Variants in GNRH1 observed in about 807,000 individuals in gnomAD.
The protein encoded by GNRH1 is progonadoliberin-1.
A neutral mutation model predicts 13.6 loss-of-function variants in GNRH1; 9 were observed. That is an observed-to-expected ratio of 0.66 (90% CI 0.40 to 1.15). The LOEUF (loss-of-function observed/expected upper bound fraction) is 1.15, where lower values mean the gene tolerates loss of function less well. Among genes scored for constraint, GNRH1 ranks in the 50% most tolerant of loss-of-function variants. The pLI is 0.01. For missense variants in GNRH1, 116 were observed against 110.8 expected (o/e 1.05, Z -0.21); for synonymous variants, 44 against 40.1 (o/e 1.10, Z -0.37).
At chr8:25,419,952 T>TA (rs1801749669) in intron 3 of GNRH1, among the ~76,000 whole-genome samples, 1 of 152,028 alleles carries the variant, frequency 6.6e-6, no homozygotes, top group South Asian at 2.1e-4. Context: ...TTAATATACA[T>TA]AAAATCTACA....
intron 3 of GNRH1, among the ~76,000 whole-genome samples, chr8:25,420,974 G>A (rs577349939): frequency 1.2e-4 from 19 of 152,194 alleles, no homozygotes; most frequent in African/African-American, 4.6e-4. Context: ...TATGATTAGT[G>A]TATTTCCATT....
chr8:25,423,120 T>C, intron 2 of GNRH1, 70 bp downstream of exon 2: 1 of 1,114,536 alleles, frequency 9.0e-7, no homozygotes, highest in Non-Finnish European at 1.4e-6. Flanking sequence ...ATTGGGGCTA[T>C]CCTGAATGTT....
intron 3 of GNRH1, among the ~76,000 whole-genome samples, 165 bp from the exon 4 acceptor site, chr8:25,419,625 GT>G (rs371851426): frequency 2.3e-3 from 331 of 142,072 alleles, no homozygotes; most frequent in Non-Finnish European, 3.5e-3. Context: ...TGTTTTTCTG[GT>G]TTTTTTTTTT....
At chr8:25,422,556 A>G (rs1801787350) in intron 2 of GNRH1, among the ~76,000 whole-genome samples, 1 of 152,106 alleles carries the variant, frequency 6.6e-6, no homozygotes, top group African/African-American at 2.4e-5. Context: ...TTAGAAAATA[A>G]CCCCAAAAAA....
At chr8:25,421,774 G>GGT in intron 2 of GNRH1, 106 bp from the exon 3 acceptor site, 1 of 569,560 alleles carries the variant, frequency 1.8e-6, no homozygotes, top group Admixed American at 2.3e-5. Context: ...GGGATGTGGG[G>GGT]CTGGGGGAGA....
At chr8:25,424,361 T>G (rs1054110944), upstream of GNRH1, 1 of 152,002 alleles carries the variant, frequency 6.6e-6, no homozygotes, top group Non-Finnish European at 1.5e-5. Context: ...CTATGCTTTT[T>G]TTTTTTTAAT....
intron 1 of GNRH1, chr8:25,423,940 A>C (rs1291227522): frequency 6.6e-6 from 1 of 152,590 alleles, no homozygotes; most frequent in Non-Finnish European, 1.5e-5. Context: ...CTAATTTTCT[A>C]ATGAAATGTG....
At chr8:25,423,356 A>G in intron 1 of GNRH1, 25 bp from the exon 2 acceptor site, 2 of 1,606,420 alleles carry the variant, frequency 1.2e-6, no homozygotes, top group Non-Finnish European at 1.7e-6. Flanking sequence ...TGCACAATCA[A>G]ATTAGATCCA....
chr8:25,421,768 TG>T, intron 2 of GNRH1, 100 bp from the exon 3 acceptor site: 1 of 352,598 alleles, frequency 2.8e-6, no homozygotes, highest in Non-Finnish European at 5.6e-6. Flanking sequence ...TCAAGGGGGA[TG>T]TGGGGCTGGG....
Position 25,423,351 on chromosome 8 carries a change from A to T in GNRH1, c.-1-20T>A. 2 of 1,608,878 alleles carry T rather than the reference A, an allele frequency of 1.2e-6. No individual in the cohort carries two copies. Among genetic ancestry groups the T allele is most frequent in the Non-Finnish European group, 1.7e-6 (2 of 1,175,284 alleles). On this transcript the variant is annotated intron_variant, in intron 1 of 3. Transcript: ENST00000421054. The stretch of plus-strand genomic sequence containing the variant: ...TTCATTCTAAGGCACATGAATGCAC[A>T]ATCAAATTAGATCCAGACAAGGTTG...
intron 3 of GNRH1, among the ~76,000 whole-genome samples, chr8:25,421,356 A>C (rs537452521): frequency 6.6e-6 from 1 of 152,332 alleles, no homozygotes; most frequent in Admixed American, 6.5e-5. Flanking sequence ...ATTCAACTTC[A>C]GAAAAAACAA....
chr8:25,421,082 T>G (rs902231169), intron 3 of GNRH1, among the ~76,000 whole-genome samples: 2 of 152,078 alleles, frequency 1.3e-5, no homozygotes, highest in African/African-American at 4.8e-5. Context: ...TTGGCATTTT[T>G]CATTCCAAAG....
upstream of GNRH1, among the ~76,000 whole-genome samples, chr8:25,425,007 C>G (rs956621195): frequency 6.6e-6 from 1 of 152,150 alleles, no homozygotes; most frequent in African/African-American, 2.4e-5. Context: ...GCAAATCACT[C>G]TTAAGGGCAG....
chr8:25,424,180 A>G (rs1801812618), intron 1 of GNRH1, 21 bp downstream of exon 1: 1 of 152,228 alleles, frequency 6.6e-6, no homozygotes, highest in South Asian at 2.1e-4. Context: ...CTCGTGCTAG[A>G]AATAATACAA....
At chr8:25,423,802 G>A in intron 1 of GNRH1, 1 of 189,724 alleles carries the variant, frequency 5.3e-6, no homozygotes, top group Non-Finnish European at 1.1e-5. Flanking sequence ...TGGTACTAAT[G>A]ACATTTTTCT....
chr8:25,420,190 C>T (rs538735268), intron 3 of GNRH1, among the ~76,000 whole-genome samples: 204 of 150,990 alleles, frequency 1.4e-3, no homozygotes, highest in Non-Finnish European at 2.6e-3. Context: ...CCGAGGTGGG[C>T]GGATCACAAG....
intron 3 of GNRH1, among the ~76,000 whole-genome samples, 174 bp downstream of exon 3, chr8:25,421,399 G>C (rs955845513): frequency 6.6e-6 from 1 of 152,202 alleles, no homozygotes; most frequent in African/African-American, 2.4e-5. Context: ...CCCTAGTGCT[G>C]TCTAACCACC....
intron 2 of GNRH1, among the ~76,000 whole-genome samples, chr8:25,422,296 C>T (rs918916067): frequency 1.3e-4 from 20 of 152,226 alleles, no homozygotes; most frequent in South Asian, 4.1e-4. Flanking sequence ...AAAATCCTCC[C>T]GGCACTTTGG....
In GNRH1 at chr8:25,423,419, G is replaced by C. The variant is rs1801802538; in HGVS notation, c.-1-88C>G. 9.8e-6 allele frequency: 11 copies of C among 1,124,332 alleles called. No homozygotes were observed. The South Asian group carries it at 1.1e-4, about 11-fold the overall frequency. 69.6% of individuals were successfully genotyped at this position (1,124,332 alleles called of 1,614,324 possible). ...CTCTTTAGTGAAAAAGCTAGCATCTGTATCACTAACCCTGCAGAAGATGGA... is the reference window on the plus strand; with the variant it reads ...CTCTTTAGTGAAAAAGCTAGCATCTCTATCACTAACCCTGCAGAAGATGGA... On this transcript the variant is annotated intron_variant, in intron 1 of 3. Transcript: ENST00000421054.
Sources: allele counts gnomAD v4.1 joint callset (sites outside exome capture counted in the v4.1 genomes callset), GRCh38; gene constraint gnomAD v4.1.1; transcripts MANE v1.5; gene names NCBI Gene and HGNC (gene_info 2026-07-23, HGNC 2026-07-21).